The following ARMH3 variants were observed in gnomAD, a reference collection of about 807,000 sequenced individuals.
ARMH3 encodes armadillo like helical domain containing 3.
Under a neutral mutation model 99.1 loss-of-function variants are expected in ARMH3, and 60 were observed. The observed-to-expected ratio is 0.61, with a 90% CI of 0.49 to 0.75. ARMH3 has a LOEUF of 0.75. Ranked by LOEUF, ARMH3 falls within the 30% of genes least tolerant of loss-of-function variation. The pLI is 0.00. For synonymous variants in ARMH3, 285 were observed against 292.8 expected (o/e 0.97, Z 0.27); for missense variants, 679 against 843.1 (o/e 0.81, Z 2.41).
intron 23 of ARMH3, among the ~76,000 whole-genome samples, chr10:101,926,533 G>A (rs1843514489): frequency 6.6e-6 from 1 of 152,110 alleles, no homozygotes; most frequent in Non-Finnish European, 1.5e-5. Flanking sequence ...GGAAAGATAT[G>A]TGGAGAGGGA....
At chr10:101,889,660 G>A in intron 23 of ARMH3, 170 bp from the exon 24 acceptor site, 1 of 658,102 alleles carries the variant, frequency 1.5e-6, no homozygotes, top group South Asian at 1.7e-5. Context: ...GGGGTGAATT[G>A]ATAACTCTGA....
chr10:101,966,286 T>G (rs12357552), intron 20 of ARMH3, among the ~76,000 whole-genome samples: 7 of 22,530 alleles, frequency 3.1e-4, no homozygotes, highest in African/African-American at 8.9e-4. Flanking sequence ...TTGGTTTGGG[T>G]TTTTTTTTTT....
chr10:102,019,342 C>A (rs1157591189), intron 8 of ARMH3, among the ~76,000 whole-genome samples: 1 of 152,020 alleles, frequency 6.6e-6, no homozygotes, highest in Admixed American at 6.5e-5. Flanking sequence ...AGCCACCACA[C>A]CCAGCCTATA....
chr10:101,880,389 G>C (rs2067382251), intron 24 of ARMH3, among the ~76,000 whole-genome samples: 1 of 152,154 alleles, frequency 6.6e-6, no homozygotes, highest in South Asian at 2.1e-4. Context: ...CTTTTACTTA[G>C]GTGGCTCCCA....
intron 21 of ARMH3, 120 bp downstream of exon 21, chr10:101,957,530 A>G: frequency 9.0e-7 from 1 of 1,110,546 alleles, no homozygotes; most frequent in South Asian, 1.9e-5. Context: ...TCCAAAAAAT[A>G]TATATAGGTC....
chr10:101,880,507 C>T (rs1024062445), intron 24 of ARMH3, among the ~76,000 whole-genome samples: 2 of 152,138 alleles, frequency 1.3e-5, no homozygotes, highest in African/African-American at 4.8e-5. Context: ...CTGGAGATGG[C>T]TCACACAGAG....
chr10:101,974,483 C>A (rs1407628311), intron 20 of ARMH3, among the ~76,000 whole-genome samples: 1 of 152,146 alleles, frequency 6.6e-6, no homozygotes, highest in Non-Finnish European at 1.5e-5. Flanking sequence ...CAAGCAACTG[C>A]CTCAGGGAAC....
intron 20 of ARMH3, among the ~76,000 whole-genome samples, chr10:101,962,449 T>C (rs926446836): frequency 3.3e-5 from 5 of 152,034 alleles, no homozygotes; most frequent in African/African-American, 1.2e-4. Flanking sequence ...AAAAGACACT[T>C]AACTACAGAA....
intron 20 of ARMH3, among the ~76,000 whole-genome samples, chr10:101,959,233 T>C (rs1322938865): frequency 2.0e-5 from 3 of 152,152 alleles, no homozygotes; most frequent in Non-Finnish European, 4.4e-5. Flanking sequence ...ACAGGAATAA[T>C]GGGGCTAGCT....
chr10:101,957,733 CT>C lies in ARMH3; in HGVS notation c.1496-2del, dbSNP rs1453532242. On this transcript the variant is annotated splice_acceptor_variant, in intron 20 of 25. Coordinates refer to ENST00000370033, the MANE Select transcript of ARMH3 (RefSeq NM_024541.3). LOFTEE classifies it high-confidence loss of function. ...AGGAACTTCAGCAAATTTATCAAGG[CT>C]TTAAAAAAAAAAAAAAAGACATCAA... 12 of 1,397,712 alleles carry C rather than the reference CT, an allele frequency of 8.6e-6. No individual in the cohort carries two copies. The highest frequency in any genetic ancestry group is 6.1e-5 in the Admixed American group (2 of 32,888). The allele number at this position is 1,397,712 out of a possible 1,614,324, so 86.6% of individuals were successfully genotyped here.
At chr10:102,041,112 T>C (rs954774233) in intron 1 of ARMH3, among the ~76,000 whole-genome samples, 1 of 136,936 alleles carries the variant, frequency 7.3e-6, no homozygotes, top group Non-Finnish European at 1.6e-5. Context: ...TATATATATA[T>C]GTAGGTAAAA....
intron 20 of ARMH3, among the ~76,000 whole-genome samples, chr10:101,966,102 C>CTT (rs1047048779): frequency 1.7e-4 from 21 of 126,294 alleles, no homozygotes; most frequent in Admixed American, 2.4e-4. Flanking sequence ...TTTTTCTTTT[C>CTT]TTTTTTTTTT....
At chr10:101,900,992 A>G (rs2067961227) in intron 23 of ARMH3, among the ~76,000 whole-genome samples, 1 of 151,972 alleles carries the variant, frequency 6.6e-6, no homozygotes, top group Non-Finnish European at 1.5e-5. Context: ...TCTAAAAATA[A>G]AGGGAAATTA....
intron 20 of ARMH3, among the ~76,000 whole-genome samples, chr10:101,968,411 A>G (rs186870418): frequency 1.3e-5 from 2 of 152,356 alleles, no homozygotes; most frequent in East Asian, 3.9e-4. Context: ...GGTAGGACCA[A>G]TAACAGACTT....
intron 5 of ARMH3, among the ~76,000 whole-genome samples, chr10:102,027,692 T>A (rs1306519301): frequency 1.3e-5 from 2 of 152,016 alleles, no homozygotes; most frequent in Non-Finnish European, 2.9e-5. Flanking sequence ...GTAGTTAGAA[T>A]TATGAGAATG....
chr10:101,928,096 A>T (rs950440754), intron 23 of ARMH3, among the ~76,000 whole-genome samples: 1 of 152,152 alleles, frequency 6.6e-6, no homozygotes, highest in Non-Finnish European at 1.5e-5. Flanking sequence ...AGAAAGAGAA[A>T]ATGTCAGTGT....
In ARMH3 at chr10:101,944,316, A is replaced by AGAGAGAGAGG. The variant is rs1844415569; in HGVS notation, c.1706-4379_1706-4378insCCTCTCTCTC. On this transcript the variant is annotated intron_variant, in intron 22 of 25. Transcript: ENST00000370033. ...GAGAGAGAGAGAGAGAGAGAGAGAG[A>AGAGAGAGAGG]GAGAGAGAGAGAGTCCAAACTGAGA... Among the ~76,000 whole-genome samples, 2 of 126,574 alleles carry AGAGAGAGAGG rather than the reference A, an allele frequency of 1.6e-5. 1 individual carries two copies. 83.0% of individuals were successfully genotyped at this position (126,574 alleles called of 152,430 possible).
chr10:101,996,047 AGAC>A (rs1402308543), intron 15 of ARMH3, among the ~76,000 whole-genome samples: 1 of 152,242 alleles, frequency 6.6e-6, no homozygotes, highest in Non-Finnish European at 1.5e-5. Context: ...AAAAAGAAGA[AGAC>A]AACCTCAGTA....
At chr10:101,955,289 A>T (rs561962749) in intron 22 of ARMH3, among the ~76,000 whole-genome samples, 4 of 152,358 alleles carry the variant, frequency 2.6e-5, no homozygotes, top group African/African-American at 9.6e-5. Context: ...GAGATATTTT[A>T]AAAACCTGGG....
Sources: allele counts gnomAD v4.1 joint callset (sites outside exome capture counted in the v4.1 genomes callset), GRCh38; gene constraint gnomAD v4.1.1; transcripts MANE v1.5; gene names NCBI Gene and HGNC (gene_info 2026-07-23, HGNC 2026-07-21).